The following TRPM3 variants were observed in gnomAD, a reference collection of about 807,000 sequenced individuals.
The protein encoded by TRPM3 is long transient receptor potential channel 3.
A neutral mutation model predicts 181.2 loss-of-function variants in TRPM3; 77 were observed. The ratio of observed to expected loss-of-function variants is 0.42; its 90% confidence interval spans 0.35 to 0.51. The LOEUF (loss-of-function observed/expected upper bound fraction) is 0.51. TRPM3 is among the 20% of genes least tolerant of loss of function. The pLI, the probability that TRPM3 is intolerant of heterozygous loss-of-function variation, is 0.01. For synonymous variants in TRPM3, 745 were observed against 796.4 expected (o/e 0.94, Z 1.09); for missense variants, 1,759 against 2,196.7 (o/e 0.80, Z 3.98).
chr9:71,369,660 G>C (rs1417123574), intron 1 of TRPM3, among the ~76,000 whole-genome samples: 2 of 152,200 alleles, frequency 1.3e-5, no homozygotes, highest in Non-Finnish European at 2.9e-5. Context: ...GGGATTACAA[G>C]CGTGAGACAC....
intron 1 of TRPM3, among the ~76,000 whole-genome samples, chr9:71,034,606 A>C (rs924549461): frequency 6.6e-6 from 1 of 151,888 alleles, no homozygotes; most frequent in African/African-American, 2.4e-5. Flanking sequence ...GGTTTCCTTG[A>C]GCTGGCTCGA....
intron 1 of TRPM3, among the ~76,000 whole-genome samples, chr9:71,078,475 T>C (rs1279340023): frequency 6.6e-6 from 1 of 152,196 alleles, no homozygotes; most frequent in African/African-American, 2.4e-5. Flanking sequence ...GGTGATGAGA[T>C]GTTAACAATA....
intron 9 of TRPM3, among the ~76,000 whole-genome samples, chr9:70,649,928 T>C (rs533509632): frequency 2.6e-5 from 4 of 152,240 alleles, no homozygotes; most frequent in African/African-American, 9.6e-5. Context: ...TAATGGTGAA[T>C]TGGATAAAGA....
intron 1 of TRPM3, among the ~76,000 whole-genome samples, chr9:71,435,351 T>G (rs1198255141): frequency 6.6e-6 from 1 of 152,238 alleles, no homozygotes; most frequent in African/African-American, 2.4e-5. Context: ...GAAGTCTTTT[T>G]CACATTTCTT....
At chr9:71,328,469 T>G (rs1178653458) in intron 1 of TRPM3, among the ~76,000 whole-genome samples, 1 of 152,158 alleles carries the variant, frequency 6.6e-6, no homozygotes, top group Non-Finnish European at 1.5e-5. Context: ...CCCGGCCGAC[T>G]TCTCTTTTAT....
At chr9:71,028,350 C>A (rs1283045208) in intron 1 of TRPM3, among the ~76,000 whole-genome samples, 1 of 152,136 alleles carries the variant, frequency 6.6e-6, no homozygotes, top group African/African-American at 2.4e-5. Flanking sequence ...TTGTTACCAG[C>A]CACTACAAAA....
intron 1 of TRPM3, among the ~76,000 whole-genome samples, chr9:71,342,415 A>T (rs886329891): frequency 6.6e-5 from 10 of 151,484 alleles, no homozygotes; most frequent in Admixed American, 6.6e-4. Flanking sequence ...TAATTATGAT[A>T]TTATATGATA....
In TRPM3 at chr9:70,761,736, A is replaced by C. The variant is rs1217789032; in HGVS notation, c.1149-12T>G. 6.2e-7 allele frequency: 1 copy of C among 1,604,796 alleles called. No individual in the cohort carries two copies. On this transcript the variant is annotated splice_polypyrimidine_tract_variant and intron_variant, in intron 7 of 25. Coordinates refer to ENST00000677713, the MANE Select transcript of TRPM3 (RefSeq NM_001366145.2). The stretch of plus-strand genomic sequence containing the variant: ...ATTCATTTATCAGTCTGCAAGTAAA[A>C]ACAATGTCAAAAGCAGGTCAACCAA...
In TRPM3 at chr9:71,378,003, T is replaced by C. The variant is rs893115069; in HGVS notation, c.183+68650A>G. Among the ~76,000 whole-genome samples, 5 of 152,184 alleles carry C rather than the reference T, an allele frequency of 3.3e-5. No individual in the cohort carries two copies. In the South Asian group the frequency reaches 8.3e-4, roughly 25 times the overall value. ...ATTGATGGACATTTGGATTGTCCAA[T>C]GACACTATTTAAAGAGTAAAAAAGC... is the stretch of plus-strand genomic sequence containing the variant. On this transcript the variant is annotated intron_variant, in intron 1 of 24. Coordinates refer to the TRPM3 transcript ENST00000357533.
In TRPM3 at chr9:71,409,318, T is replaced by A. The variant is rs561015607; in HGVS notation, c.183+37335A>T. ...AATTAAAAGACACAGACTGGCAAAT[T>A]GGATAAAGAATCAAGACCCATCAGT... On this transcript the variant is annotated intron_variant, in intron 1 of 24. Transcript: ENST00000357533. 7.9e-5 allele frequency among the ~76,000 whole-genome samples: 12 copies of A among 152,252 alleles called. No individual in the cohort carries two copies. In the East Asian group the frequency reaches 2.3e-3, roughly 29 times the overall value.
chr9:71,251,303 C>T (rs537617788), intron 1 of TRPM3, among the ~76,000 whole-genome samples: 1 of 152,130 alleles, frequency 6.6e-6, no homozygotes, highest in Non-Finnish European at 1.5e-5. Context: ...TAATTCTTCA[C>T]TTCCTCATGT....
intron 1 of TRPM3, among the ~76,000 whole-genome samples, chr9:71,441,963 G>A (rs1021680477): frequency 3.3e-5 from 5 of 152,076 alleles, no homozygotes; most frequent in African/African-American, 9.7e-5. Flanking sequence ...TAAAGAATTC[G>A]CTTTTAGCAG....
intron 1 of TRPM3, among the ~76,000 whole-genome samples, chr9:71,011,853 C>T (rs1358860782): frequency 2.1e-5 from 3 of 145,092 alleles, no homozygotes; most frequent in Admixed American, 1.4e-4. Context: ...GTGATAGTGG[C>T]TCACTGCAGC....
At chr9:70,813,177 C>T (rs1252461374) in intron 6 of TRPM3, among the ~76,000 whole-genome samples, 2 of 152,132 alleles carry the variant, frequency 1.3e-5, no homozygotes, top group Non-Finnish European at 2.9e-5. Flanking sequence ...TGTCTGAATT[C>T]CTGTAGCACT....
At chr9:70,615,269 C>T (rs1011650305) in intron 18 of TRPM3, among the ~76,000 whole-genome samples, 4 of 152,118 alleles carry the variant, frequency 2.6e-5, no homozygotes, top group Non-Finnish European at 5.9e-5. Context: ...CTTGTTTGTC[C>T]CTTTAACAGA....
At chr9:71,306,757 C>T (rs1168197839) in intron 1 of TRPM3, among the ~76,000 whole-genome samples, 1 of 152,064 alleles carries the variant, frequency 6.6e-6, no homozygotes, top group Non-Finnish European at 1.5e-5. Context: ...GCCTGTAGTC[C>T]CAGCTACTCA....
chr9:71,212,069 T>A (rs77996101), intron 1 of TRPM3, among the ~76,000 whole-genome samples: 1 of 152,114 alleles, frequency 6.6e-6, no homozygotes, highest in South Asian at 2.1e-4. Context: ...ATCCTCTGCC[T>A]CCATGCTTCA....
intron 9 of TRPM3, among the ~76,000 whole-genome samples, chr9:70,646,158 C>T (rs2058807785): frequency 6.6e-6 from 1 of 152,216 alleles, no homozygotes; most frequent in Admixed American, 6.5e-5. Context: ...TTGTGGAAGA[C>T]AGTGTGGCGA....
At chr9:71,293,615 A>AG in intron 1 of TRPM3, among the ~76,000 whole-genome samples, 1 of 151,808 alleles carries the variant, frequency 6.6e-6, no homozygotes, top group Non-Finnish European at 1.5e-5. Flanking sequence ...GGAAAAAAAA[A>AG]AGCTCAATAT....
Sources: allele counts gnomAD v4.1 joint callset (sites outside exome capture counted in the v4.1 genomes callset), GRCh38; gene constraint gnomAD v4.1.1; transcripts MANE v1.5; gene names NCBI Gene and HGNC (gene_info 2026-07-23, HGNC 2026-07-21).